The following USP37 variants were observed in gnomAD, a reference collection of about 807,000 sequenced individuals.
USP37 encodes ubiquitin carboxyl-terminal hydrolase 37.
In USP37, 27 loss-of-function variants were observed where a neutral mutation model predicts 124.0. The observed-to-expected ratio is 0.22, with a 90% confidence interval of 0.16 to 0.30. The LOEUF is 0.30. USP37 is among the 10% of genes least tolerant of loss of function. The probability of loss-of-function intolerance (pLI) is 1.00; values close to 1 mark genes in which losing one functional copy is unlikely to be tolerated. For synonymous variants in USP37, 365 were observed against 388.0 expected (o/e 0.94, Z 0.70); for missense variants, 889 against 1,140.4 (o/e 0.78, Z 3.17).
At chr2:218,471,316 G>A (rs761717328) in intron 20 of USP37, among the ~76,000 whole-genome samples, 1 of 152,136 alleles carries the variant, frequency 6.6e-6, no homozygotes, top group Non-Finnish European at 1.5e-5. Context: ...ACTGGTCTAG[G>A]GTAATGACTT....
intron 14 of USP37, among the ~76,000 whole-genome samples, chr2:218,495,469 A>C (rs1429479094): frequency 1.3e-5 from 2 of 152,142 alleles, no homozygotes; most frequent in East Asian, 3.8e-4. Context: ...AAAGACTCTG[A>C]AAAAAAGGTT....
At chr2:218,559,001 TAA>T (rs35129465) in intron 3 of USP37, among the ~76,000 whole-genome samples, 3 of 143,164 alleles carry the variant, frequency 2.1e-5, no homozygotes. Flanking sequence ...AAATATAAGT[TAA>T]AAAAAAAAAA....
intron 10 of USP37, among the ~76,000 whole-genome samples, chr2:218,520,169 C>G (rs368714112): frequency 6.6e-6 from 1 of 152,000 alleles, no homozygotes; most frequent in African/African-American, 2.4e-5. Flanking sequence ...AACTCCTGAC[C>G]TCATGTGATC....
At chr2:218,566,496 T>C (rs1347982627) in intron 1 of USP37, among the ~76,000 whole-genome samples, 1 of 152,210 alleles carries the variant, frequency 6.6e-6, no homozygotes. Flanking sequence ...GAGGAAGTCA[T>C]ATATGGTTGG....
At chr2:218,546,414 C>T in intron 7 of USP37, 116 bp from the exon 8 acceptor site, 1 of 659,744 alleles carries the variant, frequency 1.5e-6, no homozygotes, top group Non-Finnish European at 2.6e-6. Context: ...ATTCTCTACA[C>T]CATATTTAAT....
intron 1 of USP37, among the ~76,000 whole-genome samples, chr2:218,563,071 G>C (rs757611556): frequency 6.6e-6 from 1 of 150,958 alleles, no homozygotes; most frequent in Non-Finnish European, 1.5e-5. Context: ...GCTGAGGCAG[G>C]AGAATTGCTT....
At chr2:218,547,788 T>C (rs1032890105) in intron 6 of USP37, among the ~76,000 whole-genome samples, 10 of 151,964 alleles carry the variant, frequency 6.6e-5, no homozygotes, top group African/African-American at 2.2e-4. Context: ...AAACATATGA[T>C]AGGGAAAAGG....
rs186991645 is a variant in USP37, at chr2:218,454,838, T to G, written c.*92A>C. Reference sequence around the variant, plus strand: ...AGCTGTTTGTTGCTCCCGCATCAAGTAGAATTCCAAATTCTCCTTCAGCAG... The same window carrying G: ...AGCTGTTTGTTGCTCCCGCATCAAGGAGAATTCCAAATTCTCCTTCAGCAG... On this transcript the variant is annotated 3_prime_UTR_variant, in exon 26 of 26. Coordinates refer to ENST00000258399, the MANE Select transcript of USP37 (RefSeq NM_020935.3). 1.3e-6 allele frequency: 2 copies of G among 1,557,044 alleles called. No homozygotes were observed. Among genetic ancestry groups the G allele is most frequent in the African/African-American group, 1.4e-5 (1 of 72,472 alleles).
chr2:218,549,942 C>G, intron 5 of USP37, 33 bp from the exon 6 acceptor site: 11 of 1,481,532 alleles, frequency 7.4e-6, no homozygotes, highest in Non-Finnish European at 1.0e-5. Flanking sequence ...TTTTTAAAAT[C>G]CCCAAATCAC....
intron 9 of USP37, among the ~76,000 whole-genome samples, chr2:218,531,148 A>G (rs959941719): frequency 6.6e-6 from 1 of 152,336 alleles, no homozygotes; most frequent in East Asian, 1.9e-4. Context: ...GATGCCATCT[A>G]AGAGTTTCGT....
chr2:218,469,814 C>CTTTT (rs71064451), intron 20 of USP37, among the ~76,000 whole-genome samples: 65 of 64,630 alleles, frequency 1.0e-3, no homozygotes, highest in Non-Finnish European at 1.2e-3. Flanking sequence ...ACTCAACATT[C>CTTTT]TTTTTTTTTT....
At chr2:218,516,682 T>C (rs533760) in intron 10 of USP37, among the ~76,000 whole-genome samples, 100,689 of 151,976 alleles carry the variant, frequency 0.66, 33,808 homozygotes, top group East Asian at 0.9. Context: ...ACATTCTGCA[T>C]GTGTCCCAGA....
chr2:218,488,391 C>T lies in USP37; in HGVS notation c.1503G>A (p.Gln501=). Residue 501 remains glutamine, a synonymous_variant, in exon 15 of 26, where the codon CAG becomes CAA. Coordinates refer to ENST00000258399, the MANE Select transcript of USP37 (RefSeq NM_020935.3). ...GAAGGTCAATAGAGAGGTCATTAAACTGTTCTCTTTTGGGGATAATCTCTC... is the reference window on the plus strand; with the variant it reads ...GAAGGTCAATAGAGAGGTCATTAAATTGTTCTCTTTTGGGGATAATCTCTC... ...ACGEIIPKRE[Q]FNDLSIDLPR... is the part of the protein sequence containing the mutation. 1 of 1,610,710 alleles carries T rather than the reference C, an allele frequency of 6.2e-7. No individual in the cohort carries two copies. Among genetic ancestry groups the T allele is most frequent in the South Asian group, 1.1e-5 (1 of 90,336 alleles).
intron 14 of USP37, among the ~76,000 whole-genome samples, chr2:218,490,596 A>G (rs1691877002): frequency 6.6e-6 from 1 of 152,214 alleles, no homozygotes; most frequent in African/African-American, 2.4e-5. Flanking sequence ...ACAGCTAAAG[A>G]CTGAAAAACA....
At chr2:218,519,425 C>T (rs900610698) in intron 10 of USP37, among the ~76,000 whole-genome samples, 3 of 152,158 alleles carry the variant, frequency 2.0e-5, no homozygotes, top group African/African-American at 7.2e-5. Context: ...CCCTTCAGTA[C>T]ACACTGAAAT....
chr2:218,470,052 C>T (rs1231219693), intron 20 of USP37, among the ~76,000 whole-genome samples: 2 of 151,966 alleles, frequency 1.3e-5, no homozygotes, highest in Non-Finnish European at 2.9e-5. Context: ...GATCTCCTGA[C>T]CTCGTGATCC....
At chr2:218,508,994 C>T (rs1221520329) in intron 11 of USP37, among the ~76,000 whole-genome samples, 2 of 152,310 alleles carry the variant, frequency 1.3e-5, no homozygotes, top group South Asian at 2.1e-4. Context: ...TTCAAACTGT[C>T]TTCCTTAGTC....
intron 21 of USP37, among the ~76,000 whole-genome samples, chr2:218,464,975 G>A (rs981861069): frequency 1.3e-5 from 2 of 152,166 alleles, no homozygotes; most frequent in Non-Finnish European, 2.9e-5. Context: ...ATGTACTTGA[G>A]AGGCCTAGGC....
chr2:218,559,280 C>T (rs1056492484), intron 3 of USP37, among the ~76,000 whole-genome samples: 1 of 152,008 alleles, frequency 6.6e-6, no homozygotes, highest in Non-Finnish European at 1.5e-5. Context: ...ACTGCACTCC[C>T]GCCTGGGCAA....
Sources: gnomAD v4.1 joint callset for allele counts (sites outside exome capture counted in the v4.1 genomes callset) on GRCh38, gnomAD v4.1.1 for gene constraint, MANE v1.5 for transcripts, NCBI Gene and HGNC (gene_info 2026-07-23, HGNC 2026-07-21) for gene names.